Variants in UGT3A2 observed in about 807,000 individuals in gnomAD.
UGT3A2 encodes UDP glycosyltransferase family 3 member A2.
UGT3A2 carries 32 observed loss-of-function variants against 39.8 expected under a neutral mutation model. The observed-to-expected ratio is 0.80, with a 90% CI of 0.61 to 1.08. The LOEUF (loss-of-function observed/expected upper bound fraction) is 1.08. Among genes scored for constraint, UGT3A2 ranks in the 50% least tolerant of loss-of-function variants. UGT3A2 has a pLI of 0.00. For missense variants in UGT3A2, 611 were observed against 637.1 expected (o/e 0.96, Z 0.44); for synonymous variants, 241 against 230.7 (o/e 1.04, Z -0.40).
chr5:36,042,832 C>T (rs1328810969), intron 4 of UGT3A2, among the ~76,000 whole-genome samples: 1 of 151,972 alleles, frequency 6.6e-6, no homozygotes, highest in East Asian at 1.9e-4. Flanking sequence ...TCAGCAAGCA[C>T]ATATAACAAT....
intron 2 of UGT3A2, 52 bp from the exon 3 acceptor site, chr5:36,052,036 A>G: frequency 1.8e-6 from 2 of 1,088,868 alleles, no homozygotes; most frequent in Non-Finnish European, 1.3e-6. Context: ...TACACAAAAG[A>G]GTAACATTAG....
intron 1 of UGT3A2, among the ~76,000 whole-genome samples, chr5:36,064,892 A>T (rs1742831246): frequency 6.6e-6 from 1 of 152,212 alleles, no homozygotes. Flanking sequence ...ACTACTTAGA[A>T]TCCAAATCCT....
chr5:36,053,482 T>G (rs583595), intron 2 of UGT3A2, among the ~76,000 whole-genome samples: 101,959 of 152,010 alleles, frequency 0.67, 35,377 homozygotes, highest in Non-Finnish European at 0.75. Context: ...TAGGAACCCC[T>G]GTAACAGAAG....
chr5:36,062,986 A>G (rs890530203), intron 2 of UGT3A2, among the ~76,000 whole-genome samples: 5 of 151,956 alleles, frequency 3.3e-5, no homozygotes, highest in African/African-American at 9.7e-5. Context: ...AGTTGCAGTG[A>G]GCCAAGATCA....
At position 36,049,136 on chromosome 5, in the gene UGT3A2, C is replaced by A; in HGVS notation, c.596G>T (p.Gly199Val). 6.2e-7 allele frequency: 1 copy of A among 1,614,132 alleles called. No individual in the cohort carries two copies. The highest frequency in any genetic ancestry group is 2.2e-5 in the East Asian group (1 of 44,880). ...GAACATCAGAAAATTCTTCACTCGG[C>A]CCCAGAAGTCCATGTGATCAGTCAG... ...SLLTDHMDFW[G>V]RVKNFLMFFS... is the part of the protein sequence containing the mutation. Residue 199 changes from glycine (G) to valine (V), a missense_variant, in exon 4 of 7, where the codon GGC (glycine) becomes GTC (valine). Physicochemically the swap from Gly to Val is moderately radical, Grantham distance 109. Transcript: ENST00000282507.
At chr5:36,040,849 C>A (rs77031790) in intron 4 of UGT3A2, among the ~76,000 whole-genome samples, 10,116 of 152,206 alleles carry the variant, frequency 0.066, 1,199 homozygotes, top group African/African-American at 0.23. Flanking sequence ...TGTCACCCCT[C>A]CCCCAACTCC....
rs745614059 is a variant in UGT3A2, at chr5:36,054,673, TGGG to T, written c.197-2692_197-2690del. Among the ~76,000 whole-genome samples, 4 of 112,506 alleles carry T rather than the reference TGGG, an allele frequency of 3.6e-5. No individual in the cohort carries two copies. The East Asian group carries it at 6.4e-4, about 18-fold the overall frequency. The allele number at this position is 112,506 out of a possible 152,430, so 73.8% of individuals were successfully genotyped here. A position where few individuals can be genotyped will look rare whatever the true frequency, so the allele number is the denominator to read the frequency against. On this transcript the variant is annotated intron_variant, in intron 2 of 6. Transcript: ENST00000282507. ...ATACCAATTATAGACATTATTCTAA[TGGG>T]GGCAAAAAGAAAGTAAAAAAAAAAA...
intron 6 of UGT3A2, among the ~76,000 whole-genome samples, chr5:36,036,933 T>C (rs1407772020): frequency 6.6e-6 from 1 of 152,096 alleles, no homozygotes; most frequent in Non-Finnish European, 1.5e-5. Flanking sequence ...GTTAGTTACC[T>C]TGGAGGTCAC....
intron 3 of UGT3A2, among the ~76,000 whole-genome samples, chr5:36,050,971 A>G (rs1423285835): frequency 6.6e-6 from 1 of 152,228 alleles, no homozygotes; most frequent in Non-Finnish European, 1.5e-5. Context: ...ACTCTTAACT[A>G]TACCTGTCCT....
At chr5:36,036,461 C>T (rs1052216151) in intron 6 of UGT3A2, among the ~76,000 whole-genome samples, 43 of 152,162 alleles carry the variant, frequency 2.8e-4, no homozygotes, top group Admixed American at 2.6e-4. Flanking sequence ...TTGGTTTCAC[C>T]ATGTCGAAGT....
intron 4 of UGT3A2, among the ~76,000 whole-genome samples, chr5:36,041,120 C>A (rs146193986): frequency 4.9e-4 from 74 of 151,358 alleles, no homozygotes; most frequent in Middle Eastern, 3.5e-3. Context: ...ATTCAAAAGC[C>A]CTCGGGCCTA....
chr5:36,042,703 A>G (rs1350100705), intron 4 of UGT3A2, among the ~76,000 whole-genome samples: 2 of 152,160 alleles, frequency 1.3e-5, no homozygotes, highest in Non-Finnish European at 2.9e-5. Flanking sequence ...ATATTCCATG[A>G]AAGTGGAAAC....
At chr5:36,060,611 C>A (rs1016509771) in intron 2 of UGT3A2, among the ~76,000 whole-genome samples, 8 of 152,200 alleles carry the variant, frequency 5.3e-5, no homozygotes, top group Admixed American at 1.3e-4. Context: ...CTTCCCCTGG[C>A]CCCTTTACAA....
At chr5:36,044,047 A>G (rs1742091889) in intron 4 of UGT3A2, among the ~76,000 whole-genome samples, 1 of 152,152 alleles carries the variant, frequency 6.6e-6, no homozygotes, top group Non-Finnish European at 1.5e-5. Context: ...AAAGGAAACT[A>G]CAGGCTAATA....
In UGT3A2 at chr5:36,035,677, C is replaced by T; in HGVS notation, c.*21G>A. The T allele has an allele frequency of 2.5e-6, 4 of 1,609,420 alleles. No individual in the cohort carries two copies. The highest frequency in any genetic ancestry group is 2.5e-6 in the Non-Finnish European group (3 of 1,176,600). On this transcript the variant is annotated 3_prime_UTR_variant, in exon 7 of 7. Transcript: ENST00000282507. Reference sequence around the variant, plus strand: ...GGTGACATCGCCCACCAAACAGACCCCGCCAAGGCTGCACCTGGCCTTATG... The same window carrying T: ...GGTGACATCGCCCACCAAACAGACCTCGCCAAGGCTGCACCTGGCCTTATG...
At chr5:36,057,535 C>CT (rs764588853) in intron 2 of UGT3A2, among the ~76,000 whole-genome samples, 10 of 141,944 alleles carry the variant, frequency 7.0e-5, no homozygotes, top group African/African-American at 2.3e-4. Flanking sequence ...CTCTCTCTCT[C>CT]TCTTTTTTTT....
At chr5:36,057,411 T>C (rs1742546652) in intron 2 of UGT3A2, among the ~76,000 whole-genome samples, 1 of 152,188 alleles carries the variant, frequency 6.6e-6, no homozygotes, top group South Asian at 2.1e-4. Flanking sequence ...TCTAGACTCC[T>C]AATCCTATGA....
At chr5:36,061,306 C>T (rs552785445) in intron 2 of UGT3A2, among the ~76,000 whole-genome samples, 12 of 151,962 alleles carry the variant, frequency 7.9e-5, no homozygotes, top group Non-Finnish European at 1.0e-4. Context: ...TAGTTACATA[C>T]GTACACATGT....
At chr5:36,048,829 C>T in intron 4 of UGT3A2, 60 bp downstream of exon 4, 1 of 1,562,902 alleles carries the variant, frequency 6.4e-7, no homozygotes, top group Non-Finnish European at 8.7e-7. Flanking sequence ...GTGGCAGCCA[C>T]CAACTATGCA....
Sources: allele counts gnomAD v4.1 joint callset (sites outside exome capture counted in the v4.1 genomes callset), GRCh38; gene constraint gnomAD v4.1.1; transcripts MANE v1.5; gene names NCBI Gene and HGNC (gene_info 2026-07-23, HGNC 2026-07-21).